Variants in PCDH11X observed in about 807,000 individuals in gnomAD.
PCDH11X encodes the protein protocadherin 11 X-linked.
Under a neutral mutation model 53.3 loss-of-function variants are expected in PCDH11X, and 18 were observed. That is an observed-to-expected ratio of 0.34 (90% CI 0.23 to 0.50). The LOEUF is 0.50. Ranked by LOEUF, PCDH11X falls within the 20% of genes least tolerant of loss-of-function variation. The probability of loss-of-function intolerance (pLI) is 0.98; values close to 1 mark genes in which losing one functional copy is unlikely to be tolerated. For missense variants in PCDH11X, 570 were observed against 1,032.4 expected, an observed-to-expected ratio of 0.55 and a Z score of 6.14; for synonymous variants, 279 against 393.3, an observed-to-expected ratio of 0.71 and a Z score of 3.44.
chrX:92,526,064 G>T lies in PCDH11X; in HGVS notation c.3367+57742G>T, dbSNP rs764155784. Among the ~76,000 whole-genome samples, 3 of 111,506 alleles carry T rather than the reference G, an allele frequency of 2.7e-5. No individual in the cohort carries two copies. In the South Asian group the frequency reaches 1.1e-3, roughly 41 times the overall value. On this transcript the variant is annotated intron_variant, in intron 10 of 10. Transcript: ENST00000682573. ...TAGGTCAGTATCTGAACTTTGAAGA[G>T]TATCTGCCCTTAAAATAAAATTCAT...
chrX:91,938,555 A>AT (rs2061472697), intron 6 of PCDH11X, among the ~76,000 whole-genome samples: 1 of 109,463 alleles, frequency 9.1e-6, no homozygotes, highest in Admixed American at 9.9e-5. Context: ...GATGGAGAGA[A>AT]TACCCTGGAG....
intron 6 of PCDH11X, among the ~76,000 whole-genome samples, chrX:91,918,872 A>G (rs1250461223): frequency 9.0e-6 from 1 of 110,872 alleles, no homozygotes; most frequent in Non-Finnish European, 1.9e-5. Context: ...TCTCTTTTCA[A>G]ATATGAAGAA....
Position 92,105,993 on chromosome X carries a change from A to T in PCDH11X, c.3034-95382A>T, listed in dbSNP as rs184984696. Among the ~76,000 whole-genome samples, 606 of 111,490 alleles carry T rather than the reference A, an allele frequency of 5.4e-3. 5 individuals are homozygous for T. Among genetic ancestry groups the T allele is most frequent in the African/African-American group, 0.019 (581 of 30,543 alleles). ...AGTTTCTGTATGTAGATATAAACAA[A>T]TATTTGTAGGTTATCTCATAGCTGT... On this transcript the variant is annotated intron_variant, in intron 6 of 10. Coordinates refer to ENST00000682573, the MANE Select transcript of PCDH11X (RefSeq NM_032968.5).
chrX:91,905,098 TTTATTATTATTATTA>T (rs200229863), intron 6 of PCDH11X, among the ~76,000 whole-genome samples: 4 of 99,998 alleles, frequency 4.0e-5, no homozygotes, highest in Non-Finnish European at 8.0e-5. Context: ...TACTTTTTTG[TTTATTATTATTATTA>T]TTATTATTAT....
intron 10 of PCDH11X, among the ~76,000 whole-genome samples, chrX:92,480,542 A>C (rs2073480808): frequency 9.2e-6 from 1 of 108,671 alleles, no homozygotes; most frequent in South Asian, 4.1e-4. Context: ...ATCCTATTAG[A>C]TGCCCTTGAG....
rs144826162 is a variant in PCDH11X, at chrX:92,246,650, C to G, written c.3115-16464C>G. 5.3e-4 allele frequency among the ~76,000 whole-genome samples: 59 copies of G among 111,656 alleles called. 1 individual carries two copies. In the East Asian group the frequency reaches 0.013, roughly 24 times the overall value. On this transcript the variant is annotated intron_variant, in intron 7 of 10. Transcript: ENST00000682573. ...ATAGGTGTAAGCCACCGTGCCCGACCTGAAAAGAGTTTTACATACTTACTT... is the reference window on the plus strand; with the variant it reads ...ATAGGTGTAAGCCACCGTGCCCGACGTGAAAAGAGTTTTACATACTTACTT...
intron 6 of PCDH11X, among the ~76,000 whole-genome samples, chrX:91,882,366 ATTTT>A (rs1939952547): frequency 9.1e-6 from 1 of 110,090 alleles, no homozygotes; most frequent in South Asian, 3.8e-4. Flanking sequence ...ATAAATAATT[ATTTT>A]AAAATCACTT....
Position 92,274,212 on chromosome X carries a change from G to A in PCDH11X, c.3144+11069G>A, listed in dbSNP as rs377502885. On this transcript the variant is annotated intron_variant, in intron 8 of 10. Coordinates refer to ENST00000682573, the MANE Select transcript of PCDH11X (RefSeq NM_032968.5). Reference sequence around the variant, plus strand: ...AGGACAGGCCTGAATTCTGAGAAGCGAAAGTGGTAAAAGTATTGTCCAGTC... The same window carrying A: ...AGGACAGGCCTGAATTCTGAGAAGCAAAAGTGGTAAAAGTATTGTCCAGTC... 1.2e-4 allele frequency among the ~76,000 whole-genome samples: 13 copies of A among 109,563 alleles called. No homozygotes were observed. In the East Asian group the frequency reaches 2.3e-3, roughly 20 times the overall value.
chrX:91,919,443 A>G (rs1194310435), intron 6 of PCDH11X, among the ~76,000 whole-genome samples: 4 of 111,957 alleles, frequency 3.6e-5, no homozygotes, highest in Admixed American at 9.5e-5. Flanking sequence ...GGTGTAGACA[A>G]TTGTCCATTA....
At chrX:92,397,607 T>C (rs2071277549) in intron 9 of PCDH11X, among the ~76,000 whole-genome samples, 1 of 100,878 alleles carries the variant, frequency 9.9e-6, no homozygotes, top group South Asian at 5.5e-4. Flanking sequence ...TTTTAAAGAA[T>C]GTAGCTAATT....
At chrX:92,473,143 T>C (rs187138152) in intron 10 of PCDH11X, among the ~76,000 whole-genome samples, 2,628 of 108,266 alleles carry the variant, frequency 0.024, 51 homozygotes, top group Non-Finnish European at 0.038. Context: ...CATTATTTGT[T>C]ATGGATATGT....
At chrX:92,331,274 TC>T (rs1183590365) in intron 8 of PCDH11X, among the ~76,000 whole-genome samples, 19 of 100,590 alleles carry the variant, frequency 1.9e-4, no homozygotes, top group Non-Finnish European at 3.6e-4. Context: ...CTCCTCCTCC[TC>T]CTCTTTCTTC....
At chrX:91,819,625 C>G (rs1172096858) in intron 4 of PCDH11X, among the ~76,000 whole-genome samples, 1 of 100,805 alleles carries the variant, frequency 9.9e-6, no homozygotes, top group East Asian at 2.9e-4. Flanking sequence ...CTCCAGCAAG[C>G]ATTTCTTTTT....
At chrX:92,328,682 G>C (rs1244383944) in intron 8 of PCDH11X, among the ~76,000 whole-genome samples, 1 of 110,856 alleles carries the variant, frequency 9.0e-6, no homozygotes, top group East Asian at 2.8e-4. Context: ...TGACAACTTT[G>C]ATGAAATATG....
chrX:91,940,446 C>T (rs2061495046), intron 6 of PCDH11X, among the ~76,000 whole-genome samples: 1 of 111,446 alleles, frequency 9.0e-6, no homozygotes, highest in Non-Finnish European at 1.9e-5. Context: ...TCAATAATAG[C>T]ATAAAAGTTT....
At chrX:92,185,936 G>A (rs1055586084) in intron 6 of PCDH11X, among the ~76,000 whole-genome samples, 2 of 111,418 alleles carry the variant, frequency 1.8e-5, no homozygotes, top group African/African-American at 6.5e-5. Flanking sequence ...CAGCCATTAT[G>A]GAAAACAGTT....
intron 10 of PCDH11X, among the ~76,000 whole-genome samples, chrX:92,520,922 C>G (rs1207396600): frequency 3.6e-5 from 4 of 111,731 alleles, no homozygotes; most frequent in Non-Finnish European, 7.5e-5. Context: ...AAAATTTTAT[C>G]ATGAGATTGG....
chrX:91,988,998 A>G (rs2062272594), intron 6 of PCDH11X, among the ~76,000 whole-genome samples: 1 of 110,983 alleles, frequency 9.0e-6, no homozygotes. Flanking sequence ...ATTACCTCAT[A>G]TACCCAGACT....
rs1244364334 is a variant in PCDH11X at position 92,130,158 on chromosome X, T to C, written c.3034-71217T>C. Among the ~76,000 whole-genome samples the C allele has an allele frequency of 6.3e-5, 7 of 111,486 alleles. No homozygotes were observed. The East Asian group carries it at 1.7e-3, about 27-fold the overall frequency. ...CATTTTTAATATTGGTAATCTATTA[T>C]TCATTAAACAAAAATTTGGCACATA... On this transcript the variant is annotated intron_variant, in intron 6 of 10. Transcript: ENST00000682573.
Sources: allele counts gnomAD v4.1 joint callset (sites outside exome capture counted in the v4.1 genomes callset), GRCh38; gene constraint gnomAD v4.1.1; transcripts MANE v1.5; gene names NCBI Gene and HGNC (gene_info 2026-07-23, HGNC 2026-07-21).